The following PDE1B variants were observed in gnomAD, a reference collection of about 807,000 sequenced individuals.
PDE1B encodes the protein phosphodiesterase 1B, also known as dual specificity calcium/calmodulin-dependent 3',5'-cyclic nucleotide phosphodiesterase 1B.
A neutral mutation model predicts 66.7 loss-of-function variants in PDE1B; 13 were observed. The ratio of observed to expected loss-of-function variants is 0.19; its 90% confidence interval spans 0.13 to 0.31. The LOEUF (loss-of-function observed/expected upper bound fraction) is 0.31, where lower values mean the gene tolerates loss of function less well. Ranked by LOEUF, PDE1B falls within the 10% of genes least tolerant of loss-of-function variation. PDE1B has a pLI of 1.00. For missense variants in PDE1B, 485 were observed against 682.3 expected (o/e 0.71, Z 3.22); for synonymous variants, 230 against 253.9 (o/e 0.91, Z 0.90).
At position 54,569,347 on chromosome 12, in the gene PDE1B, GC is replaced by G; in HGVS notation, c.392del (p.Ala131ValfsTer41). ...KFRSIVHAVQ[A>X]GIFVERMFRR... ...CCGAAGCATTGTGCACGCTGTGCAG[GC>G]TGGGATCTTCGTGGAACGGTGAGGC... is the stretch of plus-strand genomic sequence containing the variant. On this transcript the variant is annotated frameshift_variant, in exon 4 of 16. Coordinates refer to ENST00000243052, the MANE Select transcript of PDE1B (RefSeq NM_000924.4). LOFTEE classifies it high-confidence loss of function. This position sits in a 1 kb window ranked among gnomAD's most constrained non-coding sequence, Gnocchi z 4.4. 1 of 1,608,950 alleles carries G rather than the reference GC, an allele frequency of 6.2e-7. No individual in the cohort carries two copies. Among genetic ancestry groups the G allele is most frequent in the Non-Finnish European group, 8.5e-7 (1 of 1,176,358 alleles).
chr12:54,554,333 C>T (rs1957316312), intron 2 of PDE1B: 1 of 152,148 alleles, frequency 6.6e-6, no homozygotes, highest in South Asian at 2.1e-4. Context: ...ACTATGGTTC[C>T]CTGGACCTCT....
rs1405540584 is a variant in PDE1B, at chr12:54,575,836, C to T, written c.1268-156C>T. The T allele has an allele frequency of 1.3e-6, 1 of 741,380 alleles. No homozygotes were observed. The allele number at this position is 741,380 out of a possible 1,614,324, so 45.9% of individuals were successfully genotyped here. ...CTCTCTGGGGCACCAAGACATCATCCCAAAGCCTGCCCTGCATTGGGAAGT... is the reference window on the plus strand; with the variant it reads ...CTCTCTGGGGCACCAAGACATCATCTCAAAGCCTGCCCTGCATTGGGAAGT... On this transcript the variant is annotated intron_variant, in intron 12 of 15. Transcript: ENST00000243052. The surrounding 1 kb of genome is among the most constrained non-coding windows in gnomAD (Gnocchi z 4.0).
chr12:54,557,742 A>C (rs1439261018), intron 2 of PDE1B, among the ~76,000 whole-genome samples: 2 of 152,172 alleles, frequency 1.3e-5, no homozygotes, highest in African/African-American at 4.8e-5. Flanking sequence ...TGCTGGGAAC[A>C]GCTGTTAGGA....
At chr12:54,552,470 T>TC (rs1217211549) in intron 2 of PDE1B, among the ~76,000 whole-genome samples, 2 of 152,000 alleles carry the variant, frequency 1.3e-5, no homozygotes, top group Admixed American at 6.6e-5. Flanking sequence ...CACATCCTAT[T>TC]CCCCCCCTTC....
chr12:54,573,115 C>T lies in PDE1B; in HGVS notation c.736-33C>T, dbSNP rs780648425. The stretch of plus-strand genomic sequence containing the variant: ...CCTGGGAAGTGACCAGCAGGCGTCA[C>T]CCCTCTCTCATTCTTTCTCTTTCCT... On this transcript the variant is annotated intron_variant, in intron 7 of 15. Transcript: ENST00000243052. The surrounding 1 kb of genome is among the most constrained non-coding windows in gnomAD (Gnocchi z 5.2). 2 of 1,508,738 alleles carry T rather than the reference C, an allele frequency of 1.3e-6. No homozygotes were observed. Among genetic ancestry groups the T allele is most frequent in the South Asian group, 1.1e-5 (1 of 88,928 alleles). The allele number at this position is 1,508,738 out of a possible 1,614,324, so 93.5% of individuals were successfully genotyped here.
intron 10 of PDE1B, chr12:54,574,786 C>CA: frequency 5.3e-6 from 1 of 188,438 alleles, no homozygotes; most frequent in Non-Finnish European, 1.1e-5. Context: ...GCCTGGCCAA[C>CA]ACGGTGAAAC....
chr12:54,553,386 C>G (rs1001331805), intron 2 of PDE1B, among the ~76,000 whole-genome samples: 1 of 152,212 alleles, frequency 6.6e-6, no homozygotes, highest in Non-Finnish European at 1.5e-5. Context: ...TAGTCCCTTT[C>G]TCTTTTTCTT....
chr12:54,563,999 G>A (rs1957469548), intron 2 of PDE1B, among the ~76,000 whole-genome samples: 1 of 152,182 alleles, frequency 6.6e-6, no homozygotes, highest in African/African-American at 2.4e-5. Context: ...AGGAGCTCTT[G>A]TATAGCTTCT....
At chr12:54,552,035 T>A (rs1043122924) in intron 2 of PDE1B, among the ~76,000 whole-genome samples, 2 of 152,236 alleles carry the variant, frequency 1.3e-5, no homozygotes, top group South Asian at 4.1e-4. Flanking sequence ...CTCCGGATTA[T>A]TAATTGGCAG....
intron 2 of PDE1B, among the ~76,000 whole-genome samples, chr12:54,559,699 A>G (rs1957382194): frequency 6.6e-6 from 1 of 152,176 alleles, no homozygotes; most frequent in South Asian, 2.1e-4. Flanking sequence ...AATGGACAAG[A>G]TATCCTCTTC....
Position 54,575,699 on chromosome 12 carries a change from T to A in PDE1B, c.1267+67T>A, listed in dbSNP as rs1182303976. 1.8e-6 allele frequency: 2 copies of A among 1,139,558 alleles called. No homozygotes were observed. Among genetic ancestry groups the A allele is most frequent in the Admixed American group, 3.4e-5 (2 of 59,356 alleles). 70.6% of individuals were successfully genotyped at this position (1,139,558 alleles called of 1,614,324 possible). ...GAAAAGATGCTGCCTGGGTCAGGAT[T>A]GCTCCAAGTCCTCAATCCCCCCAAA... On this transcript the variant is annotated intron_variant, in intron 12 of 15. Coordinates refer to ENST00000243052, the MANE Select transcript of PDE1B (RefSeq NM_000924.4). This position sits in a 1 kb window ranked among gnomAD's most constrained non-coding sequence, Gnocchi z 4.0.
chr12:54,565,798 G>A (rs571357645), intron 2 of PDE1B, among the ~76,000 whole-genome samples: 4 of 152,108 alleles, frequency 2.6e-5, no homozygotes, highest in Non-Finnish European at 5.9e-5. Context: ...CCGAGACCCC[G>A]GGATTCTAGA....
At position 54,573,286 on chromosome 12, in the gene PDE1B, A is replaced by C. The variant is rs779782648; in HGVS notation, c.836+38A>C. ...GATGTGGCAGGGGCAGGAGGGGCCA[A>C]GAGGAGGTGGGGAGGTTGCCGGAGT... On this transcript the variant is annotated intron_variant, in intron 8 of 15. Transcript: ENST00000243052. This position sits in a 1 kb window ranked among gnomAD's most constrained non-coding sequence, Gnocchi z 5.2. The C allele has an allele frequency of 6.2e-7, 1 of 1,612,866 alleles. No homozygotes were observed. The highest frequency in any genetic ancestry group is 1.1e-5 in the South Asian group (1 of 91,060).
intron 10 of PDE1B, chr12:54,574,268 G>A: frequency 6.2e-6 from 1 of 161,504 alleles, no homozygotes. Flanking sequence ...CTGAAGGTGT[G>A]TGTTAATCTC....
chr12:54,552,793 G>T (rs1021077281), intron 2 of PDE1B, among the ~76,000 whole-genome samples: 3 of 152,214 alleles, frequency 2.0e-5, no homozygotes, highest in Admixed American at 6.5e-5. Flanking sequence ...ATCTGGAGAT[G>T]ATGAGTTGGC....
intron 2 of PDE1B, chr12:54,561,398 T>G: frequency 2.5e-6 from 3 of 1,207,696 alleles, no homozygotes; most frequent in Non-Finnish European, 3.2e-6. Flanking sequence ...AGGCTGGGTC[T>G]CTGCCTCCCC....
At position 54,572,641 on chromosome 12, in the gene PDE1B, A is replaced by C; in HGVS notation, c.635A>C (p.Glu212Ala). 1 of 1,613,988 alleles carries C rather than the reference A, an allele frequency of 6.2e-7. No homozygotes were observed. Among genetic ancestry groups the C allele is most frequent in the Non-Finnish European group, 8.5e-7 (1 of 1,179,862 alleles). ...VFLMSFLDAL[E>A]TGYGKYKNPY... ...TTGATGAGTTTCCTGGATGCCTTGG[A>C]GACAGGCTATGGGAAGTACAAGAAT... Residue 212 changes from glutamate to alanine, a missense_variant, in exon 7 of 16, where the codon GAG (glutamate) becomes GCG (alanine). This residue lies in a region of PDE1B where 282 missense variants were observed against 453.4 expected (regional missense o/e 0.62). Transcript: ENST00000243052.
intron 10 of PDE1B, chr12:54,574,835 T>G: frequency 4.1e-6 from 1 of 243,866 alleles, no homozygotes. Context: ...TAGCTGGGTG[T>G]GGTGGCATGC....
At chr12:54,550,402 T>G (rs1476646309) in intron 2 of PDE1B, among the ~76,000 whole-genome samples, 1 of 152,220 alleles carries the variant, frequency 6.6e-6, no homozygotes, top group East Asian at 1.9e-4. Context: ...CACAGAGGTA[T>G]GTGGAGTGAT....
Sources: allele counts gnomAD v4.1 joint callset (sites outside exome capture counted in the v4.1 genomes callset), GRCh38; gene constraint gnomAD v4.1.1; regional missense constraint gnomAD v4.1.1; non-coding constraint Gnocchi (gnomAD v3.1); transcripts MANE v1.5; gene names NCBI Gene and HGNC (gene_info 2026-07-23, HGNC 2026-07-21).